The following NRL variants were observed in gnomAD, a reference collection of about 807,000 sequenced individuals.
NRL encodes neural retina-specific leucine zipper protein.
Under a neutral mutation model 12.5 loss-of-function variants are expected in NRL, and 16 were observed. The observed-to-expected ratio is 1.28, with a 90% CI of 0.87 to 1.95. The LOEUF (loss-of-function observed/expected upper bound fraction) is 1.95. Ranked by LOEUF, NRL falls within the 30% of genes most tolerant of loss-of-function variation. The pLI, the probability that NRL is intolerant of heterozygous loss-of-function variation, is 0.00. For missense variants in NRL, 314 were observed against 325.8 expected (o/e 0.96, Z 0.28); for synonymous variants, 142 against 150.9 (o/e 0.94, Z 0.43).
At position 24,094,289 on chromosome 14, in the gene NRL, G is replaced by A; in HGVS notation, c.-27-11414C>T. 9.7e-7 allele frequency: 1 copy of A among 1,033,118 alleles called. No individual in the cohort carries two copies. Among genetic ancestry groups the A allele is most frequent in the Non-Finnish European group, 1.4e-6 (1 of 708,988 alleles). The allele number at this position is 1,033,118 out of a possible 1,614,324, so 64.0% of individuals were successfully genotyped here. A position where few individuals can be genotyped will look rare whatever the true frequency, so the allele number is the denominator to read the frequency against. On this transcript the variant is annotated intron_variant, in intron 1 of 2. Transcript: ENST00000561028. This position sits in a 1 kb window ranked among gnomAD's most constrained non-coding sequence, Gnocchi z 4.1. ...CCGCGCCTGCCCCCCTCCTTTTTAA[G>A]CGCCTCCCGCCAGCCTCTGCTGTGG...
intron 1 of NRL, among the ~76,000 whole-genome samples, chr14:24,105,364 T>TG (rs2037321136): frequency 1.3e-5 from 2 of 152,392 alleles, no homozygotes; most frequent in South Asian, 4.1e-4. Flanking sequence ...GCAGAGATTT[T>TG]GCTTATGGCC....
intron 1 of NRL, among the ~76,000 whole-genome samples, chr14:24,109,123 G>C (rs1280685011): frequency 2.0e-5 from 3 of 152,178 alleles, no homozygotes; most frequent in African/African-American, 7.2e-5. Flanking sequence ...AAACCTCTCT[G>C]TGGCTTTAAG....
intron 1 of NRL, chr14:24,098,528 TC>T (rs764416174): frequency 3.8e-5 from 61 of 1,614,154 alleles, no homozygotes; most frequent in Non-Finnish European, 5.2e-5. Flanking sequence ...CTCCCCGCTG[TC>T]CCGCATCGGG....
chr14:24,099,435 C>A, intron 1 of NRL: 1 of 1,057,634 alleles, frequency 9.5e-7, no homozygotes, highest in Non-Finnish European at 1.4e-6. Flanking sequence ...GATGGCAGGG[C>A]AATCACTTAT....
chr14:24,109,117 C>A (rs901394100), intron 1 of NRL, among the ~76,000 whole-genome samples: 4 of 152,270 alleles, frequency 2.6e-5, no homozygotes, highest in African/African-American at 9.6e-5. Context: ...GTAGAAAAAC[C>A]TCTCTGTGGC....
intron 1 of NRL, chr14:24,099,820 C>CTGATG: frequency 6.6e-7 from 1 of 1,510,260 alleles, no homozygotes; most frequent in South Asian, 1.1e-5. Context: ...AGAAAGTTTC[C>CTGATG]TGAACACCCA....
intron 1 of NRL, chr14:24,103,445 T>G: frequency 6.5e-6 from 9 of 1,379,010 alleles, no homozygotes; most frequent in African/African-American, 1.4e-5. Flanking sequence ...TCCAACTGGA[T>G]GCAGGGTGCC....
intron 1 of NRL, chr14:24,100,599 A>G: frequency 9.3e-7 from 1 of 1,071,974 alleles, no homozygotes; most frequent in Non-Finnish European, 1.1e-6. Flanking sequence ...AGGAAAAGGA[A>G]GGACTTTTGA....
chr14:24,080,912 A>C lies in NRL; in HGVS notation c.*324T>G, dbSNP rs1594244381. The C allele has an allele frequency of 3.5e-6, 1 of 286,076 alleles. No homozygotes were observed. The highest frequency in any genetic ancestry group is 6.5e-6 in the Non-Finnish European group (1 of 154,172). 17.7% of individuals were successfully genotyped at this position (286,076 alleles called of 1,614,324 possible). A position where few individuals can be genotyped will look rare whatever the true frequency, so the allele number is the denominator to read the frequency against. ...AAACTAAACTGAGGTGGGAGCTGCA[A>C]CCCTCCTCCACCTCCCATTCACTGT... On this transcript the variant is annotated 3_prime_UTR_variant, in exon 3 of 3. Transcript: ENST00000561028.
At chr14:24,105,503 G>T (rs2037323476) in intron 1 of NRL, among the ~76,000 whole-genome samples, 1 of 152,246 alleles carries the variant, frequency 6.6e-6, no homozygotes, top group Non-Finnish European at 1.5e-5. Flanking sequence ...GCACAGAGAG[G>T]TCAAGTAATT....
rs1276425441 is a variant in NRL, at chr14:24,078,713, T to A, written c.*2523A>T. ...TATGCTAAGTGCTTATTTAAATGCA[T>A]TTATTCTCAGTAGGTGGTTACCATT... On this transcript the variant is annotated 3_prime_UTR_variant, in exon 3 of 3. Coordinates refer to ENST00000561028, the MANE Select transcript of NRL (RefSeq NM_001354768.3). Among the ~76,000 whole-genome samples the A allele has an allele frequency of 6.6e-6, 1 of 152,206 alleles. No individual in the cohort carries two copies. Among genetic ancestry groups the A allele is most frequent in the East Asian group, 1.9e-4 (1 of 5,200 alleles).
intron 1 of NRL, among the ~76,000 whole-genome samples, chr14:24,110,999 T>C (rs565617189): frequency 6.6e-6 from 1 of 152,388 alleles, no homozygotes; most frequent in Middle Eastern, 3.4e-3. Context: ...GATTTTCTTT[T>C]AGAGACAGTC....
chr14:24,081,865 C>G lies in NRL; in HGVS notation c.382-297G>C. On this transcript the variant is annotated intron_variant, in intron 2 of 2. Transcript: ENST00000561028. The surrounding 1 kb of genome is among the most constrained non-coding windows in gnomAD (Gnocchi z 4.4). ...ACCCCGGGCTCGTCTCTGGGATCCC[C>G]GGCATCCAGCTCCAGGCCCGGGTGT... is the stretch of plus-strand genomic sequence containing the variant. The G allele has an allele frequency of 7.3e-7, 1 of 1,363,340 alleles. No individual in the cohort carries two copies. 84.5% of individuals were successfully genotyped at this position (1,363,340 alleles called of 1,614,324 possible).
At chr14:24,108,271 T>G (rs1268154585) in intron 1 of NRL, among the ~76,000 whole-genome samples, 1 of 152,192 alleles carries the variant, frequency 6.6e-6, no homozygotes. Flanking sequence ...TTTCTAGATC[T>G]TTTTGGTGGA....
Position 24,082,714 on chromosome 14 carries a change from G to A in NRL, c.135C>T (p.Ser45=). 2 of 1,614,214 alleles carry A rather than the reference G, an allele frequency of 1.2e-6. No individual in the cohort carries two copies. The highest frequency in any genetic ancestry group is 1.7e-6 in the Non-Finnish European group (2 of 1,180,032). ...TGAAGGTGGGTGAAGGAGGCACTGA[G>A]CTGTAAGGTGTGGAGCCCAGTGAGG... ...PTASLGSTPY[S]SVPPSPTFSE... is the part of the protein sequence containing the mutation. The change falls in exon 2 of 3, where the codon AGC becomes AGT. Residue 45 remains serine, a synonymous_variant. Transcript: ENST00000561028.
At position 24,078,670 on chromosome 14, in the gene NRL, C is replaced by G. The variant is rs114092485; in HGVS notation, c.*2566G>C. ...TCAGCAACAACAGCAAATATCATTA[C>G]GTAGCATGTGTCAACTTTATGCTAA... On this transcript the variant is annotated 3_prime_UTR_variant, in exon 3 of 3. Coordinates refer to ENST00000561028, the MANE Select transcript of NRL (RefSeq NM_001354768.3). Among the ~76,000 whole-genome samples, 1 of 152,200 alleles carries G rather than the reference C, an allele frequency of 6.6e-6. No homozygotes were observed. Among genetic ancestry groups the G allele is most frequent in the African/African-American group, 2.4e-5 (1 of 41,440 alleles).
At position 24,081,203 on chromosome 14, in the gene NRL, G is replaced by GC; in HGVS notation, c.*32dup. 1 of 1,380,482 alleles carries GC rather than the reference G, an allele frequency of 7.2e-7. No individual in the cohort carries two copies. The highest frequency in any genetic ancestry group is 1.7e-5 in the South Asian group (1 of 60,204). The allele number at this position is 1,380,482 out of a possible 1,614,324, so 85.5% of individuals were successfully genotyped here. A position where few individuals can be genotyped will look rare whatever the true frequency, so the allele number is the denominator to read the frequency against. On this transcript the variant is annotated 3_prime_UTR_variant, in exon 3 of 3. Coordinates refer to ENST00000561028, the MANE Select transcript of NRL (RefSeq NM_001354768.3). The surrounding 1 kb of genome is among the most constrained non-coding windows in gnomAD (Gnocchi z 4.4). ...CTCCTGGGCGGAGCCACCCCACCCA[G>GC]CCCCCACTACACCACAAGGTGCTCT...
chr14:24,079,409 G>C lies in NRL; in HGVS notation c.*1827C>G, dbSNP rs960288144. 1.3e-5 allele frequency among the ~76,000 whole-genome samples: 2 copies of C among 152,202 alleles called. No homozygotes were observed. Among genetic ancestry groups the C allele is most frequent in the African/African-American group, 4.8e-5 (2 of 41,450 alleles). On this transcript the variant is annotated 3_prime_UTR_variant, in exon 3 of 3. Transcript: ENST00000561028. ...TCCCTTCAACAATGAGTGTGGAAGG[G>C]GATGAAGAAAGAGAAGCTAAAGGTT... is the stretch of plus-strand genomic sequence containing the variant.
intron 1 of NRL, chr14:24,096,798 A>G: frequency 9.3e-7 from 1 of 1,081,010 alleles, no homozygotes; most frequent in Non-Finnish European, 1.4e-6. Context: ...GACATGTTTT[A>G]GCAGGCTGCA....
Sources: allele counts gnomAD v4.1 joint callset (sites outside exome capture counted in the v4.1 genomes callset), GRCh38; gene constraint gnomAD v4.1.1; non-coding constraint Gnocchi (gnomAD v3.1); transcripts MANE v1.5; gene names NCBI Gene and HGNC (gene_info 2026-07-23, HGNC 2026-07-21).